The following SEMA5A variants were observed in gnomAD, a reference collection of about 807,000 sequenced individuals.
SEMA5A encodes semaphorin-5A.
In SEMA5A, 55 loss-of-function variants were observed where a neutral mutation model predicts 135.5. That is an observed-to-expected ratio of 0.41 (90% CI 0.33 to 0.51). The LOEUF is 0.51. SEMA5A is among the 20% of genes least tolerant of loss of function. The pLI, the probability that SEMA5A is intolerant of heterozygous loss-of-function variation, is 0.37. For synonymous variants in SEMA5A, 580 were observed against 546.5 expected (o/e 1.06, Z -0.85); for missense variants, 1,290 against 1,419.9 (o/e 0.91, Z 1.47).
chr5:9,235,422 C>T (rs1273759377), intron 6 of SEMA5A, among the ~76,000 whole-genome samples: 2 of 152,172 alleles, frequency 1.3e-5, no homozygotes, highest in Non-Finnish European at 2.9e-5. Flanking sequence ...GCTGCCATGT[C>T]AAAGCATAAT....
chr5:9,473,872 C>A (rs1322160792), intron 1 of SEMA5A, among the ~76,000 whole-genome samples: 2 of 152,110 alleles, frequency 1.3e-5, no homozygotes, highest in Non-Finnish European at 2.9e-5. Context: ...AGATGAGCAG[C>A]ACAGCAGTCC....
intron 16 of SEMA5A, among the ~76,000 whole-genome samples, chr5:9,086,540 C>T (rs1042035322): frequency 6.6e-6 from 1 of 152,160 alleles, no homozygotes; most frequent in Non-Finnish European, 1.5e-5. Context: ...GATTGTGATG[C>T]CTCCCTAGCC....
intron 5 of SEMA5A, among the ~76,000 whole-genome samples, chr5:9,243,410 C>T (rs563321943): frequency 1.3e-5 from 2 of 152,272 alleles, no homozygotes; most frequent in African/African-American, 2.4e-5. Context: ...CAGCAATGAG[C>T]TCATCTTAAC....
At chr5:9,502,484 A>T (rs185832428) in intron 1 of SEMA5A, among the ~76,000 whole-genome samples, 1 of 152,288 alleles carries the variant, frequency 6.6e-6, no homozygotes, top group East Asian at 1.9e-4. Context: ...ATCCCAGCAA[A>T]AACTTAGGCC....
chr5:9,428,891 C>T (rs1018526616), intron 2 of SEMA5A, among the ~76,000 whole-genome samples: 3 of 152,046 alleles, frequency 2.0e-5, no homozygotes, highest in Non-Finnish European at 4.4e-5. Flanking sequence ...ATAACATATA[C>T]GTATTCAGTG....
chr5:9,448,790 T>C (rs948302709), intron 1 of SEMA5A, among the ~76,000 whole-genome samples: 2 of 152,218 alleles, frequency 1.3e-5, no homozygotes, highest in African/African-American at 4.8e-5. Flanking sequence ...TGTGATGTTG[T>C]TGCCTCTCCT....
Position 9,042,719 on chromosome 5 carries a change from T to C in SEMA5A, c.*178A>G. The stretch of plus-strand genomic sequence containing the variant: ...GTCAAGATTTTCACGATGTCTTATT[T>C]CAATTTTTGTTGCTTTTAAAGACGT... On this transcript the variant is annotated 3_prime_UTR_variant, in exon 23 of 23. Transcript: ENST00000382496. The C allele has an allele frequency of 1.5e-6, 1 of 650,154 alleles. No homozygotes were observed. Among genetic ancestry groups the C allele is most frequent in the Non-Finnish European group, 2.6e-6 (1 of 387,818 alleles). The allele number at this position is 650,154 out of a possible 1,614,324, so 40.3% of individuals were successfully genotyped here. A position where few individuals can be genotyped will look rare whatever the true frequency, so the allele number is the denominator to read the frequency against.
chr5:9,036,279 A>G lies in SEMA5A; in HGVS notation c.*6618T>C, dbSNP rs928018145. On this transcript the variant is annotated 3_prime_UTR_variant, in exon 23 of 23. Transcript: ENST00000382496. ...TCATGGTAAAAGAGAAAAACAATCAACTTCAGCAGAGATAATACTATTACT... is the reference window on the plus strand; with the variant it reads ...TCATGGTAAAAGAGAAAAACAATCAGCTTCAGCAGAGATAATACTATTACT... The G allele has an allele frequency of 2.0e-5, 3 of 152,094 alleles. No individual in the cohort carries two copies. Among genetic ancestry groups the G allele is most frequent in the Non-Finnish European group, 2.9e-5 (2 of 68,020 alleles). The allele number at this position is 152,094 out of a possible 1,614,324, so 9.4% of individuals were successfully genotyped here.
intron 1 of SEMA5A, among the ~76,000 whole-genome samples, chr5:9,529,752 A>G (rs1737341077): frequency 6.6e-6 from 1 of 152,184 alleles, no homozygotes; most frequent in Non-Finnish European, 1.5e-5. Flanking sequence ...TTAGCTTCCT[A>G]TTGTTCATTC....
chr5:9,380,865 C>T (rs1755570822), intron 2 of SEMA5A, among the ~76,000 whole-genome samples: 1 of 151,858 alleles, frequency 6.6e-6, no homozygotes, highest in African/African-American at 2.4e-5. Flanking sequence ...CATGCAGGGG[C>T]TCAAATCTGA....
At chr5:9,330,036 G>A in intron 4 of SEMA5A, among the ~76,000 whole-genome samples, 1 of 152,054 alleles carries the variant, frequency 6.6e-6, no homozygotes, top group East Asian at 1.9e-4. Context: ...ATCTGCAGAT[G>A]CAGAACCCAG....
intron 11 of SEMA5A, among the ~76,000 whole-genome samples, chr5:9,169,610 C>G (rs1248545694): frequency 1.3e-5 from 2 of 152,170 alleles, no homozygotes; most frequent in African/African-American, 2.4e-5. Context: ...CATTTTCCAT[C>G]TGCTCTTGAA....
intron 16 of SEMA5A, 94 bp downstream of exon 16, chr5:9,108,046 C>T: frequency 1.4e-6 from 2 of 1,438,774 alleles, no homozygotes; most frequent in Non-Finnish European, 1.9e-6. Flanking sequence ...TTATTGTTTG[C>T]AGAACATCTA....
chr5:9,498,791 T>A (rs569161646), intron 1 of SEMA5A: 2 of 151,736 alleles, frequency 1.3e-5, no homozygotes, highest in African/African-American at 2.4e-5. Flanking sequence ...ACTGCATACC[T>A]GGAATCAAAC....
At position 9,337,830 on chromosome 5, in the gene SEMA5A, A is replaced by G; in HGVS notation, c.125-18T>C. On this transcript the variant is annotated intron_variant, in intron 3 of 22. Coordinates refer to ENST00000382496, the MANE Select transcript of SEMA5A (RefSeq NM_003966.3). ...GCCAATTTCTAAATAGAAAAAATAA[A>G]TAAATAAAAAGATAAAAATGAATTA... The G allele has an allele frequency of 6.6e-7, 1 of 1,511,186 alleles. No individual in the cohort carries two copies. The highest frequency in any genetic ancestry group is 9.1e-7 in the Non-Finnish European group (1 of 1,100,938). The allele number at this position is 1,511,186 out of a possible 1,614,324, so 93.6% of individuals were successfully genotyped here. A position where few individuals can be genotyped will look rare whatever the true frequency, so the allele number is the denominator to read the frequency against.
At chr5:9,059,174 T>TTC (rs1234558003) in intron 18 of SEMA5A, among the ~76,000 whole-genome samples, 1 of 150,830 alleles carries the variant, frequency 6.6e-6, no homozygotes, top group Non-Finnish European at 1.5e-5. Context: ...TTCTTTTCTT[T>TTC]TTTTTTTTTA....
At chr5:9,174,833 T>C (rs908904572) in intron 11 of SEMA5A, among the ~76,000 whole-genome samples, 4 of 152,224 alleles carry the variant, frequency 2.6e-5, no homozygotes, top group Non-Finnish European at 5.9e-5. Context: ...AGAAAGTCTC[T>C]GCTACCGTGC....
chr5:9,255,494 C>T (rs921060827), intron 5 of SEMA5A, among the ~76,000 whole-genome samples: 2 of 152,196 alleles, frequency 1.3e-5, no homozygotes, highest in African/African-American at 4.8e-5. Context: ...CACTACAGCT[C>T]TTTTTCCTAA....
At chr5:9,384,742 AGATG>A (rs1755816123) in intron 2 of SEMA5A, among the ~76,000 whole-genome samples, 1 of 150,522 alleles carries the variant, frequency 6.6e-6, no homozygotes, top group African/African-American at 2.4e-5. Flanking sequence ...ACAGACAGAC[AGATG>A]CATACATACA....
Sources: allele counts gnomAD v4.1 joint callset (sites outside exome capture counted in the v4.1 genomes callset), GRCh38; gene constraint gnomAD v4.1.1; transcripts MANE v1.5; gene names NCBI Gene and HGNC (gene_info 2026-07-23, HGNC 2026-07-21).